The following GOLGB1 variants were observed in gnomAD, a reference collection of about 807,000 sequenced individuals.
The protein encoded by GOLGB1 is golgin subfamily B member 1.
A neutral mutation model predicts 336.9 loss-of-function variants in GOLGB1; 174 were observed. The ratio of observed to expected loss-of-function variants is 0.52; its 90% CI spans 0.46 to 0.59. The LOEUF (loss-of-function observed/expected upper bound fraction) is 0.59, where lower values mean the gene tolerates loss of function less well. GOLGB1 is among the 20% of genes least tolerant of loss of function. GOLGB1 has a pLI of 0.00. For synonymous variants in GOLGB1, 1,208 were observed against 1,289.2 expected (o/e 0.94, Z 1.35); for missense variants, 3,331 against 3,645.3 (o/e 0.91, Z 2.22).
Position 121,695,770 on chromosome 3 carries a change from T to C in GOLGB1, c.4753A>G (p.Thr1585Ala). The part of the protein sequence containing the change: ...ESLKLALEGL[T>A]EDKEKLVKEI... The stretch of plus-strand genomic sequence containing the variant: ...TTCACTAACTTTTCCTTGTCTTCAG[T>C]AAGACCCTCTAGAGCTAGTTTTAGA... The change falls in exon 13 of 22, where the codon ACT becomes GCT. Residue 1585 changes from threonine (T) to alanine (A), a missense_variant. Physicochemically the swap from Thr to Ala is moderately conservative, Grantham distance 58 (BLOSUM62 0). Coordinates refer to ENST00000614479, the MANE Select transcript of GOLGB1 (RefSeq NM_001366282.2). 6.2e-7 allele frequency: 1 copy of C among 1,612,946 alleles called. No homozygotes were observed. Among genetic ancestry groups the C allele is most frequent in the Non-Finnish European group, 8.5e-7 (1 of 1,179,944 alleles).
chr3:121,718,232 A>G (rs1228363636), intron 8 of GOLGB1, among the ~76,000 whole-genome samples, 156 bp downstream of exon 8: 1 of 152,274 alleles, frequency 6.6e-6, no homozygotes, highest in Admixed American at 6.5e-5. Flanking sequence ...ATTGTACTGC[A>G]TCCCCACCAC....
intron 2 of GOLGB1, chr3:121,730,254 C>A: frequency 5.7e-6 from 2 of 348,670 alleles, no homozygotes; most frequent in South Asian, 7.1e-5. Context: ...CTAATTTTAC[C>A]AAAGAGAAAA....
intron 1 of GOLGB1, among the ~76,000 whole-genome samples, chr3:121,748,119 C>T (rs1041641750): frequency 1.3e-5 from 2 of 151,974 alleles, no homozygotes; most frequent in African/African-American, 2.4e-5. Context: ...TTCTAAAGAT[C>T]ATGTTTAAGA....
chr3:121,743,338 C>T (rs568335699), intron 1 of GOLGB1, among the ~76,000 whole-genome samples: 1 of 152,282 alleles, frequency 6.6e-6, no homozygotes, highest in East Asian at 1.9e-4. Flanking sequence ...AGCTGGAAAC[C>T]ATCATTCTCG....
At chr3:121,734,928 T>C (rs527906692) in intron 1 of GOLGB1, among the ~76,000 whole-genome samples, 2 of 152,350 alleles carry the variant, frequency 1.3e-5, no homozygotes, top group East Asian at 3.9e-4. Context: ...TAACAAACTG[T>C]AGCACATCCA....
Position 121,693,684 on chromosome 3 carries a change from G to GA in GOLGB1, c.6782+56dup, listed in dbSNP as rs1213461305. 7 of 1,228,940 alleles carry GA rather than the reference G, an allele frequency of 5.7e-6. No individual in the cohort carries two copies. In the Admixed American group the frequency reaches 1.5e-4, roughly 26 times the overall value. The allele number at this position is 1,228,940 out of a possible 1,614,324, so 76.1% of individuals were successfully genotyped here. On this transcript the variant is annotated intron_variant, in intron 13 of 21. Transcript: ENST00000614479. ...TCTAAAAGGAAACAGAAATAGTTTAGAGACTTTCTTTGCTTGAAGTTACCT... is the reference window on the plus strand; with the variant it reads ...TCTAAAAGGAAACAGAAATAGTTTAGAAGACTTTCTTTGCTTGAAGTTACCT...
At chr3:121,678,594 G>T (rs754284526) in intron 15 of GOLGB1, among the ~76,000 whole-genome samples, 42 of 151,356 alleles carry the variant, frequency 2.8e-4, no homozygotes, top group Non-Finnish European at 5.2e-4. Flanking sequence ...TTGAAACAGG[G>T]TCTCACTCTG....
Position 121,696,010 on chromosome 3 carries a change from T to C in GOLGB1, c.4513A>G (p.Lys1505Glu). Reference protein sequence around the residue: ...ISRKEALKENKSLQEELSLAR... With the variant: ...ISRKEALKENESLQEELSLAR... ...AAAGACAATTCCTCTTGGAGACTTT[T>C]GTTTTCTTTTAGTGCTTCTTTTCGG... Residue 1505 changes from lysine (K) to glutamate (E), a missense_variant, in exon 13 of 22, where the codon AAA (lysine) becomes GAA (glutamate). Physicochemically the swap from Lys to Glu is moderately conservative, Grantham distance 56 (BLOSUM62 1). Coordinates refer to ENST00000614479, the MANE Select transcript of GOLGB1 (RefSeq NM_001366282.2). 3 of 1,614,154 alleles carry C rather than the reference T, an allele frequency of 1.9e-6. No individual in the cohort carries two copies. The highest frequency in any genetic ancestry group is 2.2e-5 in the South Asian group (2 of 91,084).
At position 121,696,861 on chromosome 3, in the gene GOLGB1, T is replaced by C. The variant is rs748471920; in HGVS notation, c.3662A>G (p.Gln1221Arg). The C allele has an allele frequency of 6.2e-7, 1 of 1,614,194 alleles. No homozygotes were observed. The highest frequency in any genetic ancestry group is 1.1e-5 in the South Asian group (1 of 91,086). Residue 1221 changes from glutamine (Q) to arginine (R), a missense_variant, in exon 13 of 22, where the codon CAA becomes CGA. By Grantham distance (43) the Gln-to-Arg change is conservative. Coordinates refer to ENST00000614479, the MANE Select transcript of GOLGB1 (RefSeq NM_001366282.2). ...CTTGCTTTGCTCATCAAACTGTTCT[T>C]GCAAGCGATTATAGTCATCTTTCTG... The part of the protein sequence containing the change: ...KQQKDDYNRL[Q>R]EQFDEQSKEN...
chr3:121,725,483 G>A (rs1380044400), intron 5 of GOLGB1, among the ~76,000 whole-genome samples: 1 of 152,156 alleles, frequency 6.6e-6, no homozygotes, highest in African/African-American at 2.4e-5. Context: ...TGAACCCTAT[G>A]CTTGTCCTAC....
In GOLGB1 at chr3:121,698,147, T is replaced by A; in HGVS notation, c.2376A>T (p.Gln792His). 1 of 1,613,800 alleles carries A rather than the reference T, an allele frequency of 6.2e-7. No individual in the cohort carries two copies. Among genetic ancestry groups the A allele is most frequent in the Non-Finnish European group, 8.5e-7 (1 of 1,179,948 alleles). ...ERQRRLDYES[Q>H]TAHDNLLTEQ... is the part of the protein sequence containing the mutation. Reference sequence around the variant, plus strand: ...CAGTGAGCAGGTTGTCATGGGCAGTTTGGCTTTCATAATCAAGTCTTCTTT... The same window carrying A: ...CAGTGAGCAGGTTGTCATGGGCAGTATGGCTTTCATAATCAAGTCTTCTTT... The change falls in exon 13 of 22, where the codon CAA becomes CAT. Residue 792 changes from glutamine to histidine, a missense_variant. Physicochemically the swap from Gln to His is conservative, Grantham distance 24. Coordinates refer to ENST00000614479, the MANE Select transcript of GOLGB1 (RefSeq NM_001366282.2).
chr3:121,693,881 C>G lies in GOLGB1; in HGVS notation c.6642G>C (p.Lys2214Asn). 1 of 1,614,116 alleles carries G rather than the reference C, an allele frequency of 6.2e-7. No individual in the cohort carries two copies. The highest frequency in any genetic ancestry group is 8.5e-7 in the Non-Finnish European group (1 of 1,179,954). The stretch of plus-strand genomic sequence containing the variant: ...CATCACTAAACTTCCTCTCCCATTT[C>G]TTAGCTTCATCTATCACCCTGTCAC... ...DDRDRVIDEA[K>N]KWERKFSDAI... is the part of the protein sequence containing the mutation. The change falls in exon 13 of 22, where the codon AAG (lysine) becomes AAC (asparagine). Residue 2214 changes from lysine to asparagine, a missense_variant. Coordinates refer to ENST00000614479, the MANE Select transcript of GOLGB1 (RefSeq NM_001366282.2).
chr3:121,664,690 C>G (rs1006064059), intron 21 of GOLGB1, 76 bp from the exon 22 acceptor site: 10 of 1,426,866 alleles, frequency 7.0e-6, no homozygotes, highest in Non-Finnish European at 8.9e-6. Context: ...TAGTCTTGCA[C>G]TTAAGCAAAG....
intron 1 of GOLGB1, among the ~76,000 whole-genome samples, chr3:121,733,108 G>T (rs1464115015): frequency 6.6e-6 from 1 of 151,426 alleles, no homozygotes; most frequent in Non-Finnish European, 1.5e-5. Context: ...CGGATCACGA[G>T]GTCAGGAGAT....
At chr3:121,666,376 A>T (rs1017074409) in intron 20 of GOLGB1, among the ~76,000 whole-genome samples, 1 of 152,162 alleles carries the variant, frequency 6.6e-6, no homozygotes, top group Admixed American at 6.5e-5. Flanking sequence ...CAGGTTAGTT[A>T]CACAAGAGGG....
chr3:121,744,441 CAAAAA>C (rs11290154), intron 1 of GOLGB1, among the ~76,000 whole-genome samples: 2 of 73,094 alleles, frequency 2.7e-5, no homozygotes, highest in Admixed American at 3.2e-4. Context: ...ACTGTCTCTA[CAAAAA>C]AAAAAAAAAA....
rs1576344105 is a variant in GOLGB1, at chr3:121,694,069, C to T, written c.6454G>A (p.Ala2152Thr). ...EKKNMQEKLDALRREKVHLEE... is the reference protein window; with the variant it reads ...EKKNMQEKLDTLRREKVHLEE... ...AAGTGGACTTTTTCTCTGCGCAAAGCATCCAGTTTCTCTTGCATATTCTTC... is the reference window on the plus strand; with the variant it reads ...AAGTGGACTTTTTCTCTGCGCAAAGTATCCAGTTTCTCTTGCATATTCTTC... Residue 2152 changes from alanine (A) to threonine (T), a missense_variant, in exon 13 of 22, where the codon GCT (alanine) becomes ACT (threonine). Ala to Thr is a moderately conservative substitution (Grantham distance 58). Transcript: ENST00000614479. The T allele has an allele frequency of 1.9e-6, 3 of 1,614,032 alleles. No individual in the cohort carries two copies. Among genetic ancestry groups the T allele is most frequent in the Non-Finnish European group, 2.5e-6 (3 of 1,179,924 alleles).
At chr3:121,733,478 A>T (rs899749760) in intron 1 of GOLGB1, among the ~76,000 whole-genome samples, 22 of 152,160 alleles carry the variant, frequency 1.4e-4, no homozygotes, top group Non-Finnish European at 2.8e-4. Context: ...AGACATAAAA[A>T]ATCTAAATAA....
chr3:121,675,081 CCG>C (rs1940172893), intron 17 of GOLGB1, among the ~76,000 whole-genome samples: 1 of 151,778 alleles, frequency 6.6e-6, no homozygotes, highest in East Asian at 1.9e-4. Flanking sequence ...CATGATCCAC[CCG>C]CCTCGGCCTC....
Sources: gnomAD v4.1 joint callset for allele counts (sites outside exome capture counted in the v4.1 genomes callset) on GRCh38, gnomAD v4.1.1 for gene constraint, MANE v1.5 for transcripts, NCBI Gene and HGNC (gene_info 2026-07-23, HGNC 2026-07-21) for gene names.